Variants in SCP2 observed in about 807,000 individuals in gnomAD.
The protein encoded by SCP2 is SCP-2/3-oxoacyl-CoA thiolase.
In SCP2, 48 loss-of-function variants were observed where a neutral mutation model predicts 71.4. That is an observed-to-expected ratio of 0.67 (90% CI 0.53 to 0.86). The LOEUF (loss-of-function observed/expected upper bound fraction) is 0.86. Ranked by LOEUF, SCP2 falls within the 40% of genes least tolerant of loss-of-function variation. SCP2 has a pLI of 0.00. For missense variants in SCP2, 560 were observed against 655.6 expected (o/e 0.85, Z 1.59); for synonymous variants, 220 against 218.1 (o/e 1.01, Z -0.08).
intron 5 of SCP2, 131 bp downstream of exon 5, chr1:52,954,935 C>T: frequency 7.8e-6 from 6 of 770,124 alleles, no homozygotes; most frequent in South Asian, 7.4e-5. Context: ...TTTGTTCAAA[C>T]TGTTTATTTT....
intron 13 of SCP2, among the ~76,000 whole-genome samples, chr1:53,034,206 G>A (rs1662756299): frequency 6.6e-6 from 1 of 151,908 alleles, no homozygotes; most frequent in Non-Finnish European, 1.5e-5. Context: ...GAACCCGGGA[G>A]GAGGAGGTTG....
Position 53,014,921 on chromosome 1 carries a change from G to T in SCP2, c.1113G>T (p.Gln371His), listed in dbSNP as rs1402600510. ...CTCAGTGTGCAGAACTCTGCTGGCA[G>T]CTGAGAGGGGAAGCCGGAAAGAGGC... ...GLAQCAELCWQLRGEAGKRQV... is the reference protein window; with the variant it reads ...GLAQCAELCWHLRGEAGKRQV... Residue 371 changes from glutamine (Q) to histidine (H), a missense_variant, in exon 12 of 16, where the codon CAG becomes CAT. Physicochemically the swap from Gln to His is conservative, Grantham distance 24. Transcript: ENST00000371514. 6 of 1,613,600 alleles carry T rather than the reference G, an allele frequency of 3.7e-6. No homozygotes were observed. The highest frequency in any genetic ancestry group is 5.1e-6 in the Non-Finnish European group (6 of 1,179,930).
chr1:52,953,981 CAA>C (rs36122767), intron 4 of SCP2, among the ~76,000 whole-genome samples: 15 of 141,492 alleles, frequency 1.1e-4, no homozygotes, highest in Non-Finnish European at 1.5e-4. Flanking sequence ...GACACTGTCT[CAA>C]AAAAAAAAAC....
intron 14 of SCP2, among the ~76,000 whole-genome samples, chr1:53,044,401 T>G (rs1177940392): frequency 6.6e-6 from 1 of 152,240 alleles, no homozygotes; most frequent in Non-Finnish European, 1.5e-5. Context: ...TCTGATTAGC[T>G]ATTATGACAT....
chr1:53,011,823 T>C (rs1357532943), intron 11 of SCP2, among the ~76,000 whole-genome samples: 2 of 152,244 alleles, frequency 1.3e-5, no homozygotes, highest in Non-Finnish European at 2.9e-5. Flanking sequence ...AGAAGTGTGC[T>C]GTGAGTATGT....
intron 6 of SCP2, among the ~76,000 whole-genome samples, chr1:52,970,293 G>A (rs1490829705): frequency 1.3e-5 from 2 of 152,110 alleles, no homozygotes; most frequent in Non-Finnish European, 2.9e-5. Context: ...ATACTACCCA[G>A]GCTGACTCTT....
intron 11 of SCP2, among the ~76,000 whole-genome samples, chr1:52,990,175 A>G (rs1659342287): frequency 6.6e-6 from 1 of 152,206 alleles, no homozygotes; most frequent in Non-Finnish European, 1.5e-5. Context: ...AAACAACCAC[A>G]ACAATAAACA....
rs1557638008 is a variant in SCP2 at position 53,050,592 on chromosome 1, T to A, written c.1549-17T>A. The A allele has an allele frequency of 6.4e-7, 1 of 1,567,792 alleles. No individual in the cohort carries two copies. Among genetic ancestry groups the A allele is most frequent in the Non-Finnish European group, 8.8e-7 (1 of 1,138,150 alleles). On this transcript the variant is annotated splice_polypyrimidine_tract_variant and intron_variant, in intron 15 of 15. Coordinates refer to ENST00000371514, the MANE Select transcript of SCP2 (RefSeq NM_002979.5). Reference sequence around the variant, plus strand: ...ACAAAAAAACACCAAGTAATGAATTTTCTTTCTTCTTCACAGGCCTTCTTT... The same window carrying A: ...ACAAAAAAACACCAAGTAATGAATTATCTTTCTTCTTCACAGGCCTTCTTT...
intron 13 of SCP2, among the ~76,000 whole-genome samples, chr1:53,032,400 A>G (rs1214979826): frequency 1.3e-5 from 2 of 152,218 alleles, no homozygotes; most frequent in Admixed American, 6.5e-5. Flanking sequence ...GGCCATCAAA[A>G]TATCTGGTGG....
At chr1:53,000,474 G>A (rs1433871292) in intron 11 of SCP2, among the ~76,000 whole-genome samples, 5 of 152,170 alleles carry the variant, frequency 3.3e-5, no homozygotes, top group Admixed American at 2.6e-4. Context: ...GGCCTTTTAG[G>A]CCTTTTAGAA....
intron 12 of SCP2, among the ~76,000 whole-genome samples, chr1:53,017,233 A>T (rs1661397359): frequency 6.6e-6 from 1 of 152,184 alleles, no homozygotes; most frequent in Non-Finnish European, 1.5e-5. Flanking sequence ...ACATACAGTA[A>T]AATTCATTCT....
intron 11 of SCP2, among the ~76,000 whole-genome samples, chr1:53,007,812 A>C (rs1660726393): frequency 6.6e-6 from 1 of 152,158 alleles, no homozygotes; most frequent in Admixed American, 6.5e-5. Context: ...ACACAAAAAA[A>C]CCCTTCAAAA....
At chr1:52,975,460 G>A (rs1039025381) in intron 7 of SCP2, among the ~76,000 whole-genome samples, 1 of 152,088 alleles carries the variant, frequency 6.6e-6, no homozygotes, top group Non-Finnish European at 1.5e-5. Flanking sequence ...TTACAGGTGT[G>A]AGCCACCGCA....
chr1:52,963,020 G>C (rs1656616490), intron 6 of SCP2, among the ~76,000 whole-genome samples: 1 of 149,572 alleles, frequency 6.7e-6, no homozygotes, highest in Non-Finnish European at 1.5e-5. Flanking sequence ...ACCTAGAATA[G>C]TACCTGGCTA....
chr1:52,941,384 A>G (rs1315271373), intron 1 of SCP2, among the ~76,000 whole-genome samples: 1 of 152,188 alleles, frequency 6.6e-6, no homozygotes, highest in East Asian at 1.9e-4. Context: ...GAGTCTAATA[A>G]TAATGTGTTT....
intron 5 of SCP2, among the ~76,000 whole-genome samples, chr1:52,958,962 T>C (rs951805260): frequency 6.6e-6 from 1 of 152,092 alleles, no homozygotes; most frequent in Non-Finnish European, 1.5e-5. Context: ...AGGGCTCAAG[T>C]GATCTGCCCA....
intron 10 of SCP2, among the ~76,000 whole-genome samples, chr1:52,987,525 A>C (rs1464186538): frequency 6.6e-6 from 1 of 152,202 alleles, no homozygotes; most frequent in Non-Finnish European, 1.5e-5. Context: ...CAAGCATGTG[A>C]AGTAATTTTT....
chr1:52,947,988 A>G, intron 2 of SCP2, 21 bp from the exon 3 acceptor site: 1 of 1,586,750 alleles, frequency 6.3e-7, no homozygotes, highest in South Asian at 1.1e-5. Flanking sequence ...ACTTTTTGAT[A>G]AAAACCTTTC....
chr1:53,042,391 T>C (rs966879323), intron 14 of SCP2, among the ~76,000 whole-genome samples: 1 of 152,094 alleles, frequency 6.6e-6, no homozygotes, highest in Non-Finnish European at 1.5e-5. Context: ...GTTGATAGCG[T>C]TGGTTTGTCA....
Sources: allele counts gnomAD v4.1 joint callset (sites outside exome capture counted in the v4.1 genomes callset), GRCh38; gene constraint gnomAD v4.1.1; transcripts MANE v1.5; gene names NCBI Gene and HGNC (gene_info 2026-07-23, HGNC 2026-07-21).